Variants in DLG2 observed in about 807,000 individuals in gnomAD.
DLG2 encodes the protein discs large MAGUK scaffold protein 2, also known as disks large homolog 2.
A neutral mutation model predicts 132.5 loss-of-function variants in DLG2; 45 were observed. The ratio of observed to expected loss-of-function variants is 0.34; its 90% confidence interval spans 0.27 to 0.44. The LOEUF is 0.44. Among genes scored for constraint, DLG2 ranks in the 20% least tolerant of loss-of-function variants. The probability of loss-of-function intolerance (pLI) is 1.00; values close to 1 mark genes in which losing one functional copy is unlikely to be tolerated. For synonymous variants in DLG2, 424 were observed against 419.6 expected (o/e 1.01, Z -0.13); for missense variants, 1,045 against 1,196.9 (o/e 0.87, Z 1.87).
At chr11:85,075,786 C>T (rs1199613700) in intron 6 of DLG2, among the ~76,000 whole-genome samples, 2 of 151,652 alleles carry the variant, frequency 1.3e-5, no homozygotes, top group East Asian at 3.9e-4. Flanking sequence ...TGTGCAAAAA[C>T]CAAGGTCTGG....
At chr11:84,293,927 G>C (rs1260786810) in intron 7 of DLG2, among the ~76,000 whole-genome samples, 1 of 152,132 alleles carries the variant, frequency 6.6e-6, no homozygotes, top group Non-Finnish European at 1.5e-5. Context: ...AAAATGGGGA[G>C]GACATGAACC....
intron 3 of DLG2, among the ~76,000 whole-genome samples, chr11:85,334,125 T>C (rs1405260668): frequency 6.6e-6 from 1 of 152,284 alleles, no homozygotes; most frequent in African/African-American, 2.4e-5. Flanking sequence ...TATTGGTCTG[T>C]TCAGGGTTTC....
At chr11:84,311,281 TA>T (rs1232052442) in intron 7 of DLG2, among the ~76,000 whole-genome samples, 2 of 152,174 alleles carry the variant, frequency 1.3e-5, no homozygotes, top group Admixed American at 6.5e-5. Flanking sequence ...TTCTTCAGGA[TA>T]AAAAACATAC....
Position 85,353,278 on chromosome 11 carries a change from C to T in DLG2, c.41-67913G>A, listed in dbSNP as rs534216876. ...GCCATCAGAGAAATGCAAATCAAAA[C>T]CACAATGAGATACCATCTCACACCA... is the stretch of plus-strand genomic sequence containing the variant. On this transcript the variant is annotated intron_variant, in intron 3 of 27. Coordinates refer to ENST00000376104, the MANE Select transcript of DLG2 (RefSeq NM_001142699.3). Among the ~76,000 whole-genome samples, 6 of 152,240 alleles carry T rather than the reference C, an allele frequency of 3.9e-5. 1 individual carries two copies. In the South Asian group the frequency reaches 8.3e-4, roughly 21 times the overall value.
At chr11:84,307,000 C>T (rs532309423) in intron 7 of DLG2, among the ~76,000 whole-genome samples, 2 of 152,196 alleles carry the variant, frequency 1.3e-5, no homozygotes, top group Admixed American at 6.5e-5. Context: ...AGTATATACC[C>T]GAAGGAATAT....
intron 6 of DLG2, among the ~76,000 whole-genome samples, chr11:84,807,980 C>T (rs1202798305): frequency 6.6e-6 from 1 of 152,032 alleles, no homozygotes; most frequent in Admixed American, 6.6e-5. Context: ...ATAATAACAC[C>T]ATCAGCCATC....
intron 4 of DLG2, among the ~76,000 whole-genome samples, chr11:85,279,526 T>G (rs780855642): frequency 7.9e-5 from 12 of 152,122 alleles, no homozygotes; most frequent in Non-Finnish European, 1.5e-4. Flanking sequence ...CACTTCTCCT[T>G]TAAGGTTCCC....
chr11:85,275,915 A>G (rs2077862172), intron 4 of DLG2, among the ~76,000 whole-genome samples: 1 of 151,378 alleles, frequency 6.6e-6, no homozygotes, highest in South Asian at 2.1e-4. Flanking sequence ...CCAAGGGAAA[A>G]AAAAAAATGC....
chr11:84,141,359 T>C (rs1370551772), intron 9 of DLG2, among the ~76,000 whole-genome samples: 1 of 151,798 alleles, frequency 6.6e-6, no homozygotes, highest in Non-Finnish European at 1.5e-5. Flanking sequence ...TATTAAAAAG[T>C]ATGTAAATGA....
chr11:83,763,056 T>C (rs1201432822), intron 18 of DLG2, among the ~76,000 whole-genome samples: 1 of 152,188 alleles, frequency 6.6e-6, no homozygotes, highest in East Asian at 1.9e-4. Flanking sequence ...CAAAGTTCCC[T>C]ATAAAGGGCT....
At chr11:84,259,179 G>A (rs2154356131) in intron 7 of DLG2, among the ~76,000 whole-genome samples, 1 of 151,350 alleles carries the variant, frequency 6.6e-6, no homozygotes, top group South Asian at 2.1e-4. Flanking sequence ...GCTGAGGCAG[G>A]AGAATGGCTG....
At chr11:83,510,669 A>T (rs2094959323) in intron 21 of DLG2, among the ~76,000 whole-genome samples, 1 of 152,058 alleles carries the variant, frequency 6.6e-6, no homozygotes, top group East Asian at 1.9e-4. Flanking sequence ...TCTTCGGTAT[A>T]GCTCTCACGG....
chr11:84,604,184 C>G (rs1402847930), intron 6 of DLG2, among the ~76,000 whole-genome samples: 1 of 151,800 alleles, frequency 6.6e-6, no homozygotes, highest in Non-Finnish European at 1.5e-5. Flanking sequence ...AGTCTGTGAC[C>G]TTGAGCAGTA....
At chr11:84,790,135 A>G (rs1312052613) in intron 6 of DLG2, among the ~76,000 whole-genome samples, 5 of 152,102 alleles carry the variant, frequency 3.3e-5, no homozygotes, top group Admixed American at 6.5e-5. Context: ...TGGTAGCTCT[A>G]TATTTAGTTT....
At chr11:85,148,168 G>T (rs2076986419) in intron 5 of DLG2, among the ~76,000 whole-genome samples, 2 of 152,092 alleles carry the variant, frequency 1.3e-5, no homozygotes, top group Admixed American at 1.3e-4. Flanking sequence ...GGGCATTTGG[G>T]TTGGTTCTAT....
chr11:85,615,234 T>C (rs997907509), intron 2 of DLG2, among the ~76,000 whole-genome samples: 1 of 152,160 alleles, frequency 6.6e-6, no homozygotes, highest in Non-Finnish European at 1.5e-5. Flanking sequence ...AAACAACGAA[T>C]TGGCCAGGCA....
intron 21 of DLG2, among the ~76,000 whole-genome samples, chr11:83,509,985 G>A (rs1238505845): frequency 6.6e-6 from 1 of 152,170 alleles, no homozygotes; most frequent in African/African-American, 2.4e-5. Context: ...TCTAGTGAAG[G>A]CCAATAGGCA....
At chr11:84,161,952 A>G (rs79160798) in intron 9 of DLG2, among the ~76,000 whole-genome samples, 2,469 of 152,280 alleles carry the variant, frequency 0.016, 62 homozygotes, top group African/African-American at 0.057. Context: ...TAAAGAACCC[A>G]TCTGTCAAAC....
chr11:85,203,965 A>G (rs1009322025), intron 4 of DLG2, among the ~76,000 whole-genome samples: 6 of 152,144 alleles, frequency 3.9e-5, no homozygotes, highest in Non-Finnish European at 8.8e-5. Context: ...TGCTGGAAAA[A>G]CATTTGGTAA....
Sources: allele counts gnomAD v4.1 joint callset (sites outside exome capture counted in the v4.1 genomes callset), GRCh38; gene constraint gnomAD v4.1.1; transcripts MANE v1.5; gene names NCBI Gene and HGNC (gene_info 2026-07-23, HGNC 2026-07-21).